The following ERBB4 variants were observed in gnomAD, a reference collection of about 807,000 sequenced individuals.
The protein encoded by ERBB4 is receptor tyrosine-protein kinase erbB-4.
Under a neutral mutation model 158.0 loss-of-function variants are expected in ERBB4, and 42 were observed. That is an observed-to-expected ratio of 0.27 (90% CI 0.21 to 0.34). ERBB4 has a LOEUF of 0.34. ERBB4 is among the 10% of genes least tolerant of loss of function. The pLI is 1.00. For missense variants in ERBB4, 1,333 were observed against 1,624.1 expected (o/e 0.82, Z 3.08); for synonymous variants, 583 against 558.7 (o/e 1.04, Z -0.61).
At chr2:211,909,922 G>A (rs976239653) in intron 3 of ERBB4, among the ~76,000 whole-genome samples, 1 of 151,510 alleles carries the variant, frequency 6.6e-6, no homozygotes, top group East Asian at 2.0e-4. Flanking sequence ...ATAAATTTTT[G>A]TTGTTGTTGT....
At chr2:211,430,900 TTATAC>T in intron 21 of ERBB4, 40 bp downstream of exon 21, 1 of 1,475,554 alleles carries the variant, frequency 6.8e-7, no homozygotes. Context: ...TAAAAGGATA[TTATAC>T]TATATTTTCA....
At chr2:212,202,693 A>C (rs965697670) in intron 1 of ERBB4, among the ~76,000 whole-genome samples, 17 of 152,204 alleles carry the variant, frequency 1.1e-4, no homozygotes, top group African/African-American at 4.1e-4. Flanking sequence ...AATACAGATT[A>C]ATCTAATGTG....
At chr2:211,828,309 GT>G (rs1384705880) in intron 3 of ERBB4, among the ~76,000 whole-genome samples, 1 of 152,030 alleles carries the variant, frequency 6.6e-6, no homozygotes, top group Non-Finnish European at 1.5e-5. Flanking sequence ...AACGAGGATG[GT>G]TGTATGGTTA....
At chr2:211,554,075 A>G (rs1383157646) in intron 20 of ERBB4, among the ~76,000 whole-genome samples, 2 of 152,218 alleles carry the variant, frequency 1.3e-5, no homozygotes, top group Non-Finnish European at 2.9e-5. Context: ...AACTACAGAT[A>G]AAATGGTATG....
At chr2:211,970,946 G>A (rs936370678) in intron 2 of ERBB4, among the ~76,000 whole-genome samples, 6 of 152,090 alleles carry the variant, frequency 3.9e-5, no homozygotes, top group African/African-American at 1.4e-4. Flanking sequence ...GTGCAGACTT[G>A]TTTATGTGGT....
chr2:211,438,552 C>T (rs1483416432), intron 20 of ERBB4, among the ~76,000 whole-genome samples: 3 of 152,048 alleles, frequency 2.0e-5, no homozygotes, highest in Non-Finnish European at 4.4e-5. Flanking sequence ...TCAGAAAACA[C>T]GTAAACATTC....
At chr2:212,153,821 G>A (rs925854789) in intron 1 of ERBB4, among the ~76,000 whole-genome samples, 1 of 152,050 alleles carries the variant, frequency 6.6e-6, no homozygotes, top group Non-Finnish European at 1.5e-5. Flanking sequence ...TAGAATGTGC[G>A]AATGTTATAT....
chr2:211,436,634 C>A (rs1048608020), intron 20 of ERBB4, among the ~76,000 whole-genome samples: 6 of 152,062 alleles, frequency 3.9e-5, no homozygotes, highest in Non-Finnish European at 8.8e-5. Flanking sequence ...AATTACTTAC[C>A]CTCCTTAACT....
intron 3 of ERBB4, among the ~76,000 whole-genome samples, chr2:211,822,485 T>C (rs1052984845): frequency 2.0e-5 from 3 of 152,062 alleles, no homozygotes; most frequent in Non-Finnish European, 2.9e-5. Context: ...TTGTAGCTGA[T>C]GGAGTTGCAA....
At chr2:211,545,353 T>C (rs1168183814) in intron 20 of ERBB4, among the ~76,000 whole-genome samples, 1 of 152,002 alleles carries the variant, frequency 6.6e-6, no homozygotes, top group Non-Finnish European at 1.5e-5. Context: ...ACCCCATCCA[T>C]ATTGGCTAGA....
chr2:212,208,874 C>T (rs10932426), intron 1 of ERBB4, among the ~76,000 whole-genome samples: 112,939 of 151,938 alleles, frequency 0.74, 42,098 homozygotes, highest in South Asian at 0.85. Context: ...ATTAAATATA[C>T]AGCTTAAGGA....
At chr2:212,174,883 T>C (rs946655198) in intron 1 of ERBB4, among the ~76,000 whole-genome samples, 1 of 152,014 alleles carries the variant, frequency 6.6e-6, no homozygotes, top group African/African-American at 2.4e-5. Context: ...CATACACAAT[T>C]TTATAATTCG....
intron 19 of ERBB4, among the ~76,000 whole-genome samples, chr2:211,598,605 G>A (rs1426337226): frequency 6.6e-6 from 1 of 152,094 alleles, no homozygotes; most frequent in African/African-American, 2.4e-5. Flanking sequence ...TTGGAAGAAA[G>A]GCCTTGGCAA....
chr2:211,807,530 A>T (rs2076648256), intron 3 of ERBB4, among the ~76,000 whole-genome samples: 1 of 152,092 alleles, frequency 6.6e-6, no homozygotes, highest in Non-Finnish European at 1.5e-5. Context: ...CATTTTCTTA[A>T]TCCAATCTAT....
At chr2:211,449,186 T>G (rs923115909) in intron 20 of ERBB4, among the ~76,000 whole-genome samples, 1 of 152,224 alleles carries the variant, frequency 6.6e-6, no homozygotes. Context: ...TAGATAAAAT[T>G]TACTTAAAGA....
rs769106767 is a variant in ERBB4, at chr2:211,431,021, T to C, written c.2567A>G (p.His856Arg). 2 of 1,613,774 alleles carry C rather than the reference T, an allele frequency of 1.2e-6. No homozygotes were observed. The highest frequency in any genetic ancestry group is 1.7e-6 in the Non-Finnish European group (2 of 1,179,676). The change falls in exon 21 of 28, where the codon CAT (histidine) becomes CGT (arginine). Residue 856 changes from histidine to arginine, a missense_variant. Around this residue, in one of 5 missense-constraint regions of ERBB4, gnomAD observed 314 missense variants for 437.6 expected, o/e 0.72. Transcript: ENST00000342788. ...ARNVLVKSPN[H>R]VKITDFGLAR... is the part of the protein sequence containing the mutation. ...TAGCCCAAAATCTGTGATTTTCACA[T>C]GGTTTGGAGATTTCACTAAGACATT...
At chr2:211,854,924 C>T (rs995240780) in intron 3 of ERBB4, among the ~76,000 whole-genome samples, 4 of 152,032 alleles carry the variant, frequency 2.6e-5, no homozygotes, top group Admixed American at 6.6e-5. Context: ...TACCTTTAGC[C>T]GCTATTGCTA....
intron 20 of ERBB4, among the ~76,000 whole-genome samples, chr2:211,442,385 TCTATCC>T (rs920976125): frequency 7.5e-5 from 5 of 66,538 alleles, no homozygotes; most frequent in Admixed American, 5.9e-4. Flanking sequence ...TAGACAGGTA[TCTATCC>T]ATCCATCCAT....
intron 3 of ERBB4, among the ~76,000 whole-genome samples, chr2:211,885,648 C>T (rs184735887): frequency 1.2e-4 from 18 of 152,102 alleles, no homozygotes; most frequent in African/African-American, 4.1e-4. Flanking sequence ...TTAGTAGAGA[C>T]GCGGTTTCAC....
Sources: gnomAD v4.1 joint callset for allele counts (sites outside exome capture counted in the v4.1 genomes callset) on GRCh38, gnomAD v4.1.1 for gene constraint, gnomAD v4.1.1 regional missense constraint, MANE v1.5 for transcripts, NCBI Gene and HGNC (gene_info 2026-07-23, HGNC 2026-07-21) for gene names.